Variants in SVEP1 observed in about 807,000 individuals in gnomAD.
The protein encoded by SVEP1 is sushi, von Willebrand factor type A, EGF and pentraxin domain containing 1, also known as sushi, von Willebrand factor type A, EGF and pentraxin domain-containing protein 1.
A neutral mutation model predicts 367.3 loss-of-function variants in SVEP1; 164 were observed. That is an observed-to-expected ratio of 0.45 (90% confidence interval 0.39 to 0.51). The LOEUF (loss-of-function observed/expected upper bound fraction) is 0.51, where lower values mean the gene tolerates loss of function less well. SVEP1 is among the 20% of genes least tolerant of loss of function. The probability of loss-of-function intolerance (pLI) is 0.00; values close to 1 mark genes in which losing one functional copy is unlikely to be tolerated. For synonymous variants in SVEP1, 1,666 were observed against 1,611.6 expected (o/e 1.03, Z -0.81); for missense variants, 4,117 against 4,425.3 (o/e 0.93, Z 1.98).
intron 1 of SVEP1, among the ~76,000 whole-genome samples, chr9:110,575,804 G>A (rs920776772): frequency 2.6e-5 from 4 of 152,096 alleles, no homozygotes; most frequent in African/African-American, 9.7e-5. Context: ...GCCACCCCCA[G>A]TTAAAAACTG....
chr9:110,430,022 A>G lies in SVEP1; in HGVS notation c.5531-18T>C, dbSNP rs985920128. On this transcript the variant is annotated intron_variant, in intron 33 of 47. Coordinates refer to ENST00000374469, the MANE Select transcript of SVEP1 (RefSeq NM_153366.4). The stretch of plus-strand genomic sequence containing the variant: ...TGAAACAGCTTAACAAAGGAAAAAC[A>G]AACACGTGACTTTTTTGAGACTGTG... 1.2e-6 allele frequency: 2 copies of G among 1,609,752 alleles called. No individual in the cohort carries two copies. Among genetic ancestry groups the G allele is most frequent in the South Asian group, 1.1e-5 (1 of 90,822 alleles).
intron 3 of SVEP1, among the ~76,000 whole-genome samples, chr9:110,526,333 T>C (rs939156095): frequency 2.0e-5 from 3 of 151,794 alleles, no homozygotes; most frequent in African/African-American, 7.3e-5. Flanking sequence ...AACTTAAAAG[T>C]AGAAAAACAA....
In SVEP1 at chr9:110,504,087, C is replaced by T. The variant is rs567309424; in HGVS notation, c.1304-870G>A. Among the ~76,000 whole-genome samples, 6 of 152,004 alleles carry T rather than the reference C, an allele frequency of 3.9e-5. No individual in the cohort carries two copies. In the South Asian group the frequency reaches 6.2e-4, roughly 16 times the overall value. On this transcript the variant is annotated intron_variant, in intron 5 of 47. Coordinates refer to ENST00000374469, the MANE Select transcript of SVEP1 (RefSeq NM_153366.4). Reference sequence around the variant, plus strand: ...TTTTTGTTTTTGAGATGGAGTCTCACTCTGCTGCCCAGGCTGAAGTGCAGT... The same window carrying T: ...TTTTTGTTTTTGAGATGGAGTCTCATTCTGCTGCCCAGGCTGAAGTGCAGT...
At chr9:110,479,861 T>C (rs779196771) in intron 12 of SVEP1, 105 bp from the exon 13 acceptor site, 43 of 1,465,300 alleles carry the variant, frequency 2.9e-5, no homozygotes, top group Non-Finnish European at 3.9e-5. Flanking sequence ...TAACATAATT[T>C]GTGGGATTGT....
chr9:110,456,607 A>G (rs1828778980), intron 21 of SVEP1, among the ~76,000 whole-genome samples: 3 of 152,114 alleles, frequency 2.0e-5, no homozygotes, highest in Admixed American at 2.0e-4. Context: ...CTCATGAAAA[A>G]CTTTCAAGTT....
At chr9:110,572,983 G>T (rs1029330498) in intron 1 of SVEP1, among the ~76,000 whole-genome samples, 3 of 151,726 alleles carry the variant, frequency 2.0e-5, no homozygotes, top group African/African-American at 7.3e-5. Flanking sequence ...ATAATACTAG[G>T]GATGATTTGA....
At chr9:110,402,312 T>C (rs1196930495) in intron 39 of SVEP1, among the ~76,000 whole-genome samples, 2 of 152,190 alleles carry the variant, frequency 1.3e-5, no homozygotes, top group Non-Finnish European at 2.9e-5. Context: ...GTGATATGTT[T>C]TAGTTTCTGG....
rs35109985 is a variant in SVEP1, at chr9:110,392,133, TTATATATA to T, written c.9823-2554_9823-2547del. On this transcript the variant is annotated intron_variant, in intron 40 of 47. Coordinates refer to ENST00000374469, the MANE Select transcript of SVEP1 (RefSeq NM_153366.4). ...CATTAACTTGTGACCCAATTCCTCA[TTATATATA>T]TATATATATATATCTCTTCTCTCTC... Among the ~76,000 whole-genome samples the T allele has an allele frequency of 2.1e-4, 21 of 99,636 alleles. 2 individuals are homozygous for T. Among genetic ancestry groups the T allele is most frequent in the Non-Finnish European group, 2.6e-4 (12 of 46,462 alleles). 65.4% of individuals were successfully genotyped at this position (99,636 alleles called of 152,430 possible).
At chr9:110,501,215 T>A (rs1201504578) in intron 6 of SVEP1, among the ~76,000 whole-genome samples, 2 of 149,520 alleles carry the variant, frequency 1.3e-5, no homozygotes, top group African/African-American at 4.9e-5. Context: ...GAACTTAACA[T>A]TTTGAAAACA....
In SVEP1 at chr9:110,577,669, T is replaced by A. The variant is rs148391789; in HGVS notation, c.531+1344A>T. On this transcript the variant is annotated intron_variant, in intron 1 of 47. Coordinates refer to ENST00000374469, the MANE Select transcript of SVEP1 (RefSeq NM_153366.4). ...TAAACAAAAATAAAAGGCAGTGAAC[T>A]GGAAAAACATTTGCAACATATACAC... Among the ~76,000 whole-genome samples, 412 of 151,946 alleles carry A rather than the reference T, an allele frequency of 2.7e-3. 2 individuals are homozygous for A. The highest frequency in any genetic ancestry group is 0.022 in the South Asian group (108 of 4,820).
chr9:110,509,104 T>C (rs1829671011), intron 5 of SVEP1, among the ~76,000 whole-genome samples: 3 of 152,230 alleles, frequency 2.0e-5, no homozygotes, highest in African/African-American at 7.2e-5. Flanking sequence ...AACGGCCATA[T>C]TTCATTGAAT....
At chr9:110,560,743 T>C (rs1830417423) in intron 1 of SVEP1, among the ~76,000 whole-genome samples, 1 of 152,200 alleles carries the variant, frequency 6.6e-6, no homozygotes, top group South Asian at 2.1e-4. Flanking sequence ...CTATGGTGCC[T>C]TCTTTCTGAC....
intron 40 of SVEP1, among the ~76,000 whole-genome samples, chr9:110,397,003 A>T (rs897179083): frequency 7.9e-5 from 12 of 152,234 alleles, no homozygotes; most frequent in Non-Finnish European, 1.6e-4. Context: ...TGAGGCCAGC[A>T]TCATCCTGAT....
chr9:110,546,079 C>T, intron 3 of SVEP1, 36 bp downstream of exon 3: 1 of 1,546,692 alleles, frequency 6.5e-7, no homozygotes, highest in South Asian at 1.2e-5. Flanking sequence ...TGTTACACAG[C>T]AACAGACAAC....
intron 1 of SVEP1, among the ~76,000 whole-genome samples, chr9:110,559,511 T>C (rs1830397212): frequency 1.3e-5 from 2 of 152,084 alleles, no homozygotes; most frequent in Admixed American, 6.6e-5. Context: ...AGTTTAAAAA[T>C]AGTAACACTG....
At chr9:110,493,517 G>A (rs913715725) in intron 8 of SVEP1, among the ~76,000 whole-genome samples, 1 of 151,948 alleles carries the variant, frequency 6.6e-6, no homozygotes, top group Non-Finnish European at 1.5e-5. Flanking sequence ...GGAGATCACT[G>A]GGTCAGGAGT....
chr9:110,576,371 TACA>T (rs1238794407), intron 1 of SVEP1, among the ~76,000 whole-genome samples: 1 of 152,110 alleles, frequency 6.6e-6, no homozygotes, highest in Non-Finnish European at 1.5e-5. Context: ...AAAGTCAAAT[TACA>T]AGAGGATGTA....
At chr9:110,504,379 G>C (rs1169867279) in intron 5 of SVEP1, among the ~76,000 whole-genome samples, 1 of 152,028 alleles carries the variant, frequency 6.6e-6, no homozygotes, top group South Asian at 2.1e-4. Context: ...TTTTTAAAGG[G>C]GGCTGTCTCA....
intron 36 of SVEP1, among the ~76,000 whole-genome samples, chr9:110,417,175 G>A (rs10980378): frequency 0.24 from 35,570 of 150,166 alleles, 4,590 homozygotes; most frequent in Non-Finnish European, 0.27. Flanking sequence ...CGCAGAAGAC[G>A]GGTGATTTCT....
Sources: allele counts gnomAD v4.1 joint callset (sites outside exome capture counted in the v4.1 genomes callset), GRCh38; gene constraint gnomAD v4.1.1; transcripts MANE v1.5; gene names NCBI Gene and HGNC (gene_info 2026-07-23, HGNC 2026-07-21).